CSMD1: variants seen among roughly 807,000 people sequenced by gnomAD.
The protein encoded by CSMD1 is CUB and sushi domain-containing protein 1.
Under a neutral mutation model 417.5 loss-of-function variants are expected in CSMD1, and 213 were observed. The observed-to-expected ratio is 0.51, with a 90% CI of 0.46 to 0.57. CSMD1 has a LOEUF of 0.57. Among genes scored for constraint, CSMD1 ranks in the 20% least tolerant of loss-of-function variants. The probability of loss-of-function intolerance (pLI) is 0.00; values close to 1 mark genes in which losing one functional copy is unlikely to be tolerated. For synonymous variants in CSMD1, 2,862 were observed against 1,736.8 expected, an observed-to-expected ratio of 1.65 and a Z score of -16.11; for missense variants, 6,923 against 4,529.7, an observed-to-expected ratio of 1.53 and a Z score of -15.17.
chr8:3,250,218 C>T (rs1227200254), intron 26 of CSMD1, among the ~76,000 whole-genome samples: 3 of 152,288 alleles, frequency 2.0e-5, no homozygotes, highest in Admixed American at 2.0e-4. Flanking sequence ...ATCCCCCCAC[C>T]CCACAACAGG....
At chr8:3,114,221 G>A (rs1816714694) in intron 42 of CSMD1, among the ~76,000 whole-genome samples, 2 of 152,138 alleles carry the variant, frequency 1.3e-5, no homozygotes, top group Admixed American at 1.3e-4. Flanking sequence ...TCCAGCCTGG[G>A]CAACAGCCTG....
chr8:3,586,558 A>G (rs1201958786), intron 8 of CSMD1, among the ~76,000 whole-genome samples: 1 of 152,086 alleles, frequency 6.6e-6, no homozygotes, highest in East Asian at 1.9e-4. Context: ...TTCACTGAAT[A>G]GTGTGGCTTT....
At chr8:4,303,952 C>T (rs1460478799) in intron 3 of CSMD1, among the ~76,000 whole-genome samples, 1 of 152,172 alleles carries the variant, frequency 6.6e-6, no homozygotes, top group East Asian at 1.9e-4. Flanking sequence ...CCAGCTGCCA[C>T]TTTTCCCTCT....
chr8:3,800,284 T>C (rs1231006818), intron 5 of CSMD1, among the ~76,000 whole-genome samples: 1 of 152,264 alleles, frequency 6.6e-6, no homozygotes, highest in South Asian at 2.1e-4. Context: ...AGAAGTTTAA[T>C]GCCATGAGAA....
chr8:4,113,224 C>T (rs185465726), intron 3 of CSMD1, among the ~76,000 whole-genome samples: 2 of 151,990 alleles, frequency 1.3e-5, no homozygotes, highest in Admixed American at 6.6e-5. Context: ...CCTACAGTGG[C>T]TCCTATGTGT....
At chr8:3,238,388 G>C (rs1389958569) in intron 26 of CSMD1, among the ~76,000 whole-genome samples, 1 of 152,062 alleles carries the variant, frequency 6.6e-6, no homozygotes, top group Non-Finnish European at 1.5e-5. Context: ...GGCTTAGTTT[G>C]GGTTCAGAGG....
At chr8:3,806,333 A>G (rs1800740158) in intron 5 of CSMD1, among the ~76,000 whole-genome samples, 1 of 152,192 alleles carries the variant, frequency 6.6e-6, no homozygotes, top group African/African-American at 2.4e-5. Context: ...TAGATTCTTT[A>G]CAACCAAGTA....
At position 3,853,469 on chromosome 8, in the gene CSMD1, G is replaced by A. The variant is rs532300545; in HGVS notation, c.819-99427C>T. 2.0e-3 allele frequency among the ~76,000 whole-genome samples: 310 copies of A among 152,260 alleles called. 1 individual carries two copies. Among genetic ancestry groups the A allele is most frequent in the Non-Finnish European group, 2.1e-3 (143 of 68,028 alleles). On this transcript the variant is annotated intron_variant, in intron 5 of 69. Coordinates refer to ENST00000635120, the MANE Select transcript of CSMD1 (RefSeq NM_033225.6). ...AAATGGTAAACTCTGTGAAGGCAAG[G>A]ATCTTTGTCTACGTTGTTCACAGAC...
chr8:4,256,395 A>T (rs1684699328), intron 3 of CSMD1, among the ~76,000 whole-genome samples: 1 of 152,174 alleles, frequency 6.6e-6, no homozygotes, highest in African/African-American at 2.4e-5. Context: ...ACCCCTCTGA[A>T]TTTCTCTTTT....
chr8:3,824,663 T>C (rs1446708301), intron 5 of CSMD1, among the ~76,000 whole-genome samples: 4 of 152,210 alleles, frequency 2.6e-5, no homozygotes, highest in Admixed American at 6.5e-5. Flanking sequence ...TTGTTATATA[T>C]TGAGTTAATG....
intron 5 of CSMD1, among the ~76,000 whole-genome samples, chr8:3,903,643 G>A (rs146450081): frequency 1.6e-3 from 241 of 152,174 alleles, no homozygotes; most frequent in Non-Finnish European, 2.6e-3. Flanking sequence ...CAGAAAATAA[G>A]GTTCTTGTTC....
chr8:3,989,643 C>G (rs1191462643), intron 5 of CSMD1, among the ~76,000 whole-genome samples: 2 of 152,098 alleles, frequency 1.3e-5, no homozygotes, highest in Non-Finnish European at 1.5e-5. Context: ...AAATTAAAGT[C>G]TTTATGATGT....
At chr8:4,832,329 G>A (rs1220127480) in intron 1 of CSMD1, among the ~76,000 whole-genome samples, 1 of 152,166 alleles carries the variant, frequency 6.6e-6, no homozygotes, top group Non-Finnish European at 1.5e-5. Context: ...GATTCTTACG[G>A]AGATGCAATG....
At chr8:4,016,654 T>G (rs963809810) in intron 4 of CSMD1, among the ~76,000 whole-genome samples, 2 of 152,212 alleles carry the variant, frequency 1.3e-5, no homozygotes, top group South Asian at 2.1e-4. Flanking sequence ...TTCTACAGGT[T>G]TGTCTTACTC....
intron 5 of CSMD1, among the ~76,000 whole-genome samples, chr8:3,814,144 A>G (rs1191525482): frequency 6.6e-6 from 1 of 152,208 alleles, no homozygotes; most frequent in South Asian, 2.1e-4. Context: ...GCTCAGCCCC[A>G]GATTCTGGTA....
chr8:4,119,800 C>G (rs149137301), intron 3 of CSMD1, among the ~76,000 whole-genome samples: 2 of 152,146 alleles, frequency 1.3e-5, no homozygotes, highest in Non-Finnish European at 2.9e-5. Context: ...ACAAAACGTT[C>G]TACGATGCAA....
chr8:3,244,804 G>C (rs1799774389), intron 26 of CSMD1, among the ~76,000 whole-genome samples: 2 of 152,210 alleles, frequency 1.3e-5, no homozygotes, highest in Non-Finnish European at 2.9e-5. Context: ...AAGCATCATA[G>C]TCACAGATGG....
At chr8:4,681,241 G>C (rs1377158541) in intron 1 of CSMD1, among the ~76,000 whole-genome samples, 1 of 152,076 alleles carries the variant, frequency 6.6e-6, no homozygotes, top group African/African-American at 2.4e-5. Context: ...TAAGACCCTA[G>C]ATATCGATAT....
chr8:4,772,870 G>T (rs1796667921), intron 1 of CSMD1, among the ~76,000 whole-genome samples: 1 of 152,128 alleles, frequency 6.6e-6, no homozygotes, highest in Non-Finnish European at 1.5e-5. Flanking sequence ...ATGAAATGTG[G>T]ATTTAATCCT....
Sources: allele counts gnomAD v4.1 joint callset (sites outside exome capture counted in the v4.1 genomes callset), GRCh38; gene constraint gnomAD v4.1.1; transcripts MANE v1.5; gene names NCBI Gene and HGNC (gene_info 2026-07-23, HGNC 2026-07-21).